The following KCNQ5 variants were observed in gnomAD, a reference collection of about 807,000 sequenced individuals.
KCNQ5 encodes the protein potassium voltage-gated channel subfamily KQT member 5.
Under a neutral mutation model 98.2 loss-of-function variants are expected in KCNQ5, and 30 were observed. That is an observed-to-expected ratio of 0.31 (90% CI 0.23 to 0.41). KCNQ5 has a LOEUF of 0.41. Ranked by LOEUF, KCNQ5 falls within the 10% of genes least tolerant of loss-of-function variation. The pLI is 1.00. For synonymous variants in KCNQ5, 458 were observed against 449.4 expected, an observed-to-expected ratio of 1.02 and a Z score of -0.24; for missense variants, 835 against 1,182.5, an observed-to-expected ratio of 0.71 and a Z score of 4.31.
rs190791413 is a variant in KCNQ5, at chr6:73,028,197, C to G, written c.490-13739C>G. On this transcript the variant is annotated intron_variant, in intron 2 of 13. Coordinates refer to ENST00000370398, the MANE Select transcript of KCNQ5 (RefSeq NM_019842.4). ...AAAATATGGAGCAGCAGAGTCTCCC[C>G]AGCTCCCACACCTGCAGAGAGATTC... Among the ~76,000 whole-genome samples, 14 of 152,318 alleles carry G rather than the reference C, an allele frequency of 9.2e-5. No homozygotes were observed. The East Asian group carries it at 2.5e-3, about 27-fold the overall frequency.
intron 1 of KCNQ5, among the ~76,000 whole-genome samples, chr6:72,943,182 G>A (rs530360586): frequency 1.2e-4 from 18 of 152,084 alleles, no homozygotes; most frequent in African/African-American, 3.1e-4. Context: ...AAAAGCATCC[G>A]CCTCTTATAC....
chr6:72,669,129 T>TA (rs1005757178), intron 1 of KCNQ5, among the ~76,000 whole-genome samples: 1 of 152,124 alleles, frequency 6.6e-6, no homozygotes, highest in African/African-American at 2.4e-5. Flanking sequence ...GTCTAAATTC[T>TA]AAAATCTCAT....
At chr6:72,986,936 G>T in intron 1 of KCNQ5, 1 of 856,684 alleles carries the variant, frequency 1.2e-6, no homozygotes, top group South Asian at 1.5e-5. Flanking sequence ...GGCAGCCTTG[G>T]GGCAGATAAC....
chr6:73,019,725 G>A (rs1010309613), intron 2 of KCNQ5, among the ~76,000 whole-genome samples: 5 of 152,116 alleles, frequency 3.3e-5, no homozygotes, highest in African/African-American at 9.7e-5. Context: ...AGGCAGTTTA[G>A]ATTGAAAAAC....
At chr6:73,069,173 G>C (rs1236324375) in intron 3 of KCNQ5, among the ~76,000 whole-genome samples, 1 of 151,942 alleles carries the variant, frequency 6.6e-6, no homozygotes, top group Non-Finnish European at 1.5e-5. Context: ...TGTGCCTTCT[G>C]TCCAATTTTC....
At chr6:73,127,972 G>A (rs1399400821) in intron 9 of KCNQ5, among the ~76,000 whole-genome samples, 1 of 152,160 alleles carries the variant, frequency 6.6e-6, no homozygotes, top group African/African-American at 2.4e-5. Context: ...AGCTGAGGCA[G>A]GAGAATCACT....
At chr6:73,077,285 C>T (rs1773578374) in intron 3 of KCNQ5, 37 bp from the exon 4 acceptor site, 2 of 1,581,902 alleles carry the variant, frequency 1.3e-6, no homozygotes, top group East Asian at 2.2e-5. Flanking sequence ...AATTCCTGGT[C>T]GTGCTAACTG....
chr6:72,788,665 T>A (rs1395634356), intron 1 of KCNQ5, among the ~76,000 whole-genome samples: 1 of 152,232 alleles, frequency 6.6e-6, no homozygotes, highest in Non-Finnish European at 1.5e-5. Context: ...CTGGATTCTA[T>A]AATTCTATAT....
At chr6:72,903,461 C>A (rs1208514705) in intron 1 of KCNQ5, among the ~76,000 whole-genome samples, 1 of 152,100 alleles carries the variant, frequency 6.6e-6, no homozygotes, top group Non-Finnish European at 1.5e-5. Flanking sequence ...TTGATGTAGG[C>A]CTTTAGGACT....
At chr6:72,995,933 C>T (rs1004486661) in intron 1 of KCNQ5, among the ~76,000 whole-genome samples, 28 of 152,306 alleles carry the variant, frequency 1.8e-4, no homozygotes, top group African/African-American at 6.3e-4. Flanking sequence ...CACATCTTTA[C>T]GGCTTTTGTT....
intron 1 of KCNQ5, among the ~76,000 whole-genome samples, chr6:72,665,751 T>C (rs1160428373): frequency 6.6e-6 from 1 of 152,206 alleles, no homozygotes; most frequent in Admixed American, 6.5e-5. Context: ...ATGAGGGTGA[T>C]TATAGGGTGC....
intron 1 of KCNQ5, among the ~76,000 whole-genome samples, chr6:72,995,461 A>G (rs1015582328): frequency 6.6e-6 from 1 of 152,072 alleles, no homozygotes; most frequent in Non-Finnish European, 1.5e-5. Flanking sequence ...AATAATGCTT[A>G]TTTCTTATTT....
At chr6:73,079,735 G>T (rs1400652699) in intron 5 of KCNQ5, among the ~76,000 whole-genome samples, 1 of 152,212 alleles carries the variant, frequency 6.6e-6, no homozygotes, top group Non-Finnish European at 1.5e-5. Context: ...TCGAAAAAGA[G>T]TGGAAGCTTG....
chr6:72,700,995 T>A (rs181501127), intron 1 of KCNQ5, among the ~76,000 whole-genome samples: 1 of 152,336 alleles, frequency 6.6e-6, no homozygotes, highest in African/African-American at 2.4e-5. Flanking sequence ...TGCGACTACA[T>A]TGCTGTTTAC....
At chr6:73,083,409 G>A (rs1383344218) in intron 5 of KCNQ5, among the ~76,000 whole-genome samples, 6 of 152,014 alleles carry the variant, frequency 3.9e-5, no homozygotes, top group African/African-American at 1.4e-4. Context: ...AACTATGTGG[G>A]GGAAAAATCT....
intron 1 of KCNQ5, among the ~76,000 whole-genome samples, chr6:72,629,928 C>T (rs1055972581): frequency 2.0e-5 from 3 of 152,098 alleles, no homozygotes; most frequent in African/African-American, 7.2e-5. Flanking sequence ...TCTTTTAATC[C>T]TTTGCAATCA....
intron 1 of KCNQ5, among the ~76,000 whole-genome samples, chr6:72,735,048 A>C (rs1241982403): frequency 6.6e-6 from 1 of 152,230 alleles, no homozygotes; most frequent in African/African-American, 2.4e-5. Context: ...GTTAGAAGAG[A>C]AGTCAAGTGA....
At chr6:72,811,676 T>C (rs577212397) in intron 1 of KCNQ5, among the ~76,000 whole-genome samples, 4 of 152,154 alleles carry the variant, frequency 2.6e-5, no homozygotes, top group Non-Finnish European at 5.9e-5. Context: ...CCCCAGTAGA[T>C]TAAGAGCCTG....
intron 1 of KCNQ5, among the ~76,000 whole-genome samples, chr6:72,661,551 T>G (rs1766527053): frequency 6.6e-6 from 1 of 152,142 alleles, no homozygotes; most frequent in Non-Finnish European, 1.5e-5. Flanking sequence ...TTACCATATG[T>G]TTTCCATTTA....
Sources: gnomAD v4.1 joint callset for allele counts (sites outside exome capture counted in the v4.1 genomes callset) on GRCh38, gnomAD v4.1.1 for gene constraint, MANE v1.5 for transcripts, NCBI Gene and HGNC (gene_info 2026-07-23, HGNC 2026-07-21) for gene names.